The following ZNF783 variants were observed in gnomAD, a reference collection of about 807,000 sequenced individuals.
ZNF783 encodes zinc finger protein 783.
Under a neutral mutation model 31.3 loss-of-function variants are expected in ZNF783, and 25 were observed. The ratio of observed to expected loss-of-function variants is 0.80; its 90% confidence interval spans 0.58 to 1.11. ZNF783 has a LOEUF of 1.11. Ranked by LOEUF, ZNF783 falls within the 50% of genes most tolerant of loss-of-function variation. The pLI, the probability that ZNF783 is intolerant of heterozygous loss-of-function variation, is 0.00. For missense variants in ZNF783, 797 were observed against 760.0 expected, an observed-to-expected ratio of 1.05 and a Z score of -0.57; for synonymous variants, 369 against 319.1, an observed-to-expected ratio of 1.16 and a Z score of -1.66.
chr7:149,278,072 G>T (rs1434533046), intron 4 of ZNF783: 6 of 923,688 alleles, frequency 6.5e-6, no homozygotes, highest in Non-Finnish European at 1.4e-6. Context: ...TGCGGGAGGT[G>T]GTGACCACCC....
chr7:149,265,948 C>T lies in ZNF783; in HGVS notation c.25-387C>T, dbSNP rs556560017. Among the ~76,000 whole-genome samples the T allele has an allele frequency of 2.6e-5, 4 of 152,300 alleles. No individual in the cohort carries two copies. The South Asian group carries it at 8.3e-4, about 32-fold the overall frequency. On this transcript the variant is annotated intron_variant, in intron 1 of 5. Transcript: ENST00000434415. ...GCTGTCCACTGGGGAGTCATGTTCTCTGTGCCACAAAGCCTTGTCCTTTCA... is the reference window on the plus strand; with the variant it reads ...GCTGTCCACTGGGGAGTCATGTTCTTTGTGCCACAAAGCCTTGTCCTTTCA...
At chr7:149,268,619 A>G (rs535993226) in intron 4 of ZNF783, among the ~76,000 whole-genome samples, 15 of 152,318 alleles carry the variant, frequency 9.8e-5, no homozygotes, top group African/African-American at 3.4e-4. Flanking sequence ...CCCCTGTAGT[A>G]GTCCACAGTG....
At chr7:149,281,381 A>G (rs1315119806) in intron 5 of ZNF783, 124 bp from the exon 6 acceptor site, 5 of 740,902 alleles carry the variant, frequency 6.7e-6, no homozygotes, top group Non-Finnish European at 9.7e-6. Flanking sequence ...GACCCCTGCA[A>G]TGTGCTGTGA....
rs1489718463 is a variant in ZNF783 at position 149,271,662 on chromosome 7, TG to T, written c.673+4441del. ...ATATTTTATGTTTGCGAAGTCAAAA[TG>T]ATTTAACAGGGTAGATTCAAGGAAG... On this transcript the variant is annotated intron_variant, in intron 4 of 5. Coordinates refer to ENST00000434415, the MANE Select transcript of ZNF783 (RefSeq NM_001195220.2). Among the ~76,000 whole-genome samples the T allele has an allele frequency of 8.5e-5, 13 of 152,366 alleles. 1 individual carries two copies. In the South Asian group the frequency reaches 1.4e-3, roughly 17 times the overall value.
rs908557530 is a variant in ZNF783 at position 149,284,547 on chromosome 7, G to C, written c.*2204G>C. ...ATGTGGTGCAAGTGCAGGTGCACGA[G>C]TTTAACCCTCAGCTGCAGGAGCTAG... On this transcript the variant is annotated 3_prime_UTR_variant, in exon 6 of 6. Transcript: ENST00000434415. 7 of 152,298 alleles carry C rather than the reference G, an allele frequency of 4.6e-5. No homozygotes were observed. The highest frequency in any genetic ancestry group is 7.3e-5 in the Non-Finnish European group (5 of 68,076). 9.4% of individuals were successfully genotyped at this position (152,298 alleles called of 1,614,324 possible). A position where few individuals can be genotyped will look rare whatever the true frequency, so the allele number is the denominator to read the frequency against.
Position 149,282,192 on chromosome 7 carries a change from C to A in ZNF783, c.1490C>A (p.Pro497His). The A allele has an allele frequency of 6.2e-7, 1 of 1,600,416 alleles. No homozygotes were observed. The highest frequency in any genetic ancestry group is 8.5e-7 in the Non-Finnish European group (1 of 1,179,568). Residue 497 changes from proline (P) to histidine (H), a missense_variant, in exon 6 of 6, where the codon CCC becomes CAC. Coordinates refer to ENST00000434415, the MANE Select transcript of ZNF783 (RefSeq NM_001195220.2). ...ACCGGTGAGCGGCCCTACCAGTGCC[C>A]CCAGTGTGGCCGGACCTTCAACCGC... ...IHTGERPYQCPQCGRTFNRNH... is the reference protein window; with the variant it reads ...IHTGERPYQCHQCGRTFNRNH...
At chr7:149,280,108 C>A (rs1797429240) in intron 5 of ZNF783, among the ~76,000 whole-genome samples, 1 of 104,458 alleles carries the variant, frequency 9.6e-6, no homozygotes, top group African/African-American at 3.1e-5. Flanking sequence ...CTGACCCCCC[C>A]ACCTCCCTCC....
chr7:149,282,465 T>G lies in ZNF783; in HGVS notation c.*122T>G. On this transcript the variant is annotated 3_prime_UTR_variant, in exon 6 of 6. Transcript: ENST00000434415. The stretch of plus-strand genomic sequence containing the variant: ...TTACCCATTCAAATGGGAAGCTAGC[T>G]GCCCTTCTGGTGACATTGTGTGTGA... 1.0e-4 allele frequency: 85 copies of G among 810,822 alleles called. No individual in the cohort carries two copies. The highest frequency in any genetic ancestry group is 1.4e-4 in the Non-Finnish European group (77 of 537,236). The allele number at this position is 810,822 out of a possible 1,614,324, so 50.2% of individuals were successfully genotyped here.
intron 4 of ZNF783, chr7:149,276,182 C>T (rs1188091534): frequency 2.6e-5 from 7 of 267,208 alleles, no homozygotes; most frequent in African/African-American, 1.1e-4. Context: ...TGAGCCACTA[C>T]GCCCGGCCTT....
At chr7:149,264,249 T>C (rs145494069) in intron 1 of ZNF783, among the ~76,000 whole-genome samples, 222 of 152,362 alleles carry the variant, frequency 1.5e-3, no homozygotes, top group Middle Eastern at 0.01. Flanking sequence ...ATTGAATGAA[T>C]GAAGCAATTA....
rs746889769 is a variant in ZNF783, at chr7:149,266,700, GC to G, written c.395del (p.Pro132ArgfsTer12). ...ACAGGAACTTCTGGATCTTGCGGCT[GC>G]CCCCGGGCAGCAAGGGGGAGGCCCC... ...RNRNFWILRL[P>X]PGSKGEAPKV... is the part of the protein sequence containing the mutation. On this transcript the variant is annotated frameshift_variant, in exon 2 of 6. Transcript: ENST00000434415. LOFTEE classifies it high-confidence loss of function. 32 of 1,614,012 alleles carry G rather than the reference GC, an allele frequency of 2.0e-5. No individual in the cohort carries two copies. The highest frequency in any genetic ancestry group is 2.7e-5 in the Non-Finnish European group (32 of 1,179,978).
At position 149,278,493 on chromosome 7, in the gene ZNF783, A is replaced by G; in HGVS notation, c.768A>G (p.Ser256=). ...EGQAPKQQQD[S]EARVAPAGPE... ...AGGCCCCCAAGCAGCAGCAGGACTCAGAGGCGAGAGTGGCCCCAGCCGGGC... is the reference window on the plus strand; with the variant it reads ...AGGCCCCCAAGCAGCAGCAGGACTCGGAGGCGAGAGTGGCCCCAGCCGGGC... Residue 256 remains serine, a synonymous_variant, in exon 5 of 6, where the codon TCA becomes TCG. Coordinates refer to ENST00000434415, the MANE Select transcript of ZNF783 (RefSeq NM_001195220.2). 2 of 1,599,314 alleles carry G rather than the reference A, an allele frequency of 1.3e-6. No homozygotes were observed. Among genetic ancestry groups the G allele is most frequent in the African/African-American group, 1.3e-5 (1 of 75,008 alleles).
intron 5 of ZNF783, among the ~76,000 whole-genome samples, chr7:149,278,864 A>G (rs962549908): frequency 6.6e-6 from 1 of 152,124 alleles, no homozygotes; most frequent in Admixed American, 6.5e-5. Flanking sequence ...GGTCCCATCC[A>G]CGGGGCAGTG....
intron 1 of ZNF783, among the ~76,000 whole-genome samples, chr7:149,262,886 ATAG>A (rs1193033304): frequency 6.6e-6 from 1 of 152,202 alleles, no homozygotes; most frequent in African/African-American, 2.4e-5. Flanking sequence ...TACAAGAGAG[ATAG>A]TAGATTTTTT....
At position 149,282,465 on chromosome 7, in the gene ZNF783, T is replaced by C. The variant is rs1258496415; in HGVS notation, c.*122T>C. 4.9e-6 allele frequency: 4 copies of C among 810,836 alleles called. No individual in the cohort carries two copies. In the African/African-American group the frequency reaches 5.3e-5, roughly 11 times the overall value. The allele number at this position is 810,836 out of a possible 1,614,324, so 50.2% of individuals were successfully genotyped here. ...TTACCCATTCAAATGGGAAGCTAGC[T>C]GCCCTTCTGGTGACATTGTGTGTGA... is the stretch of plus-strand genomic sequence containing the variant. On this transcript the variant is annotated 3_prime_UTR_variant, in exon 6 of 6. Transcript: ENST00000434415.
rs1797505372 is a variant in ZNF783, at chr7:149,282,620, G to T, written c.*277G>T. Reference sequence around the variant, plus strand: ...CCTCTGGTAGGTACCACAGCCAAGAGGACCAGAGATCATGGCCCTTCCAGT... The same window carrying T: ...CCTCTGGTAGGTACCACAGCCAAGATGACCAGAGATCATGGCCCTTCCAGT... On this transcript the variant is annotated 3_prime_UTR_variant, in exon 6 of 6. Coordinates refer to ENST00000434415, the MANE Select transcript of ZNF783 (RefSeq NM_001195220.2). 1 of 400,088 alleles carries T rather than the reference G, an allele frequency of 2.5e-6. No homozygotes were observed. Among genetic ancestry groups the T allele is most frequent in the South Asian group, 6.1e-5 (1 of 16,410 alleles). The allele number at this position is 400,088 out of a possible 1,614,324, so 24.8% of individuals were successfully genotyped here. A position where few individuals can be genotyped will look rare whatever the true frequency, so the allele number is the denominator to read the frequency against.
At chr7:149,270,697 C>T (rs768575696) in intron 4 of ZNF783, among the ~76,000 whole-genome samples, 8 of 152,102 alleles carry the variant, frequency 5.3e-5, no homozygotes, top group Non-Finnish European at 1.0e-4. Context: ...CTGATGTGAC[C>T]TCAGTGGCTT....
At chr7:149,276,210 G>T in intron 4 of ZNF783, 1 of 445,790 alleles carries the variant, frequency 2.2e-6, no homozygotes, top group Non-Finnish European at 3.0e-6. Flanking sequence ...ATTCTTAGTG[G>T]CTCACGAACA....
intron 4 of ZNF783, chr7:149,277,400 C>T (rs1209180022): frequency 6.6e-6 from 1 of 152,124 alleles, no homozygotes; most frequent in Non-Finnish European, 1.5e-5. Flanking sequence ...CACTGTCAGC[C>T]TTTTGCTCAT....
Sources: gnomAD v4.1 joint callset for allele counts (sites outside exome capture counted in the v4.1 genomes callset) on GRCh38, gnomAD v4.1.1 for gene constraint, MANE v1.5 for transcripts, NCBI Gene and HGNC (gene_info 2026-07-23, HGNC 2026-07-21) for gene names.